The following ARHGAP19 variants were observed in gnomAD, a reference collection of about 807,000 sequenced individuals.
ARHGAP19 encodes the protein Rho GTPase activating protein 19.
In ARHGAP19, 48 loss-of-function variants were observed where a neutral mutation model predicts 60.9. The observed-to-expected ratio is 0.79, with a 90% confidence interval of 0.62 to 1.00. The LOEUF is 1.00. Among genes scored for constraint, ARHGAP19 ranks in the 50% least tolerant of loss-of-function variants. The probability of loss-of-function intolerance (pLI) is 0.00; values close to 1 mark genes in which losing one functional copy is unlikely to be tolerated. For synonymous variants in ARHGAP19, 209 were observed against 215.5 expected, an observed-to-expected ratio of 0.97 and a Z score of 0.27; for missense variants, 562 against 597.2, an observed-to-expected ratio of 0.94 and a Z score of 0.61.
chr10:97,241,545 C>G (rs1187727572), intron 8 of ARHGAP19, among the ~76,000 whole-genome samples: 1 of 151,734 alleles, frequency 6.6e-6, no homozygotes, highest in Non-Finnish European at 1.5e-5. Flanking sequence ...GAAACTCCAT[C>G]TTTACTAAAA....
rs12260394 is a variant in ARHGAP19 at position 97,282,844 on chromosome 10, T to C, written c.56+9728A>G. ...TACTATGTAGTTTCTTTTTTCTTTT[T>C]TTTTTTTTTTTTTTTGAGACAGAGT... On this transcript the variant is annotated intron_variant, in intron 1 of 11. Coordinates refer to ENST00000358531, the MANE Select transcript of ARHGAP19 (RefSeq NM_032900.6). Among the ~76,000 whole-genome samples, 219 of 143,942 alleles carry C rather than the reference T, an allele frequency of 1.5e-3. 1 individual carries two copies. Among genetic ancestry groups the C allele is most frequent in the Middle Eastern group, 6.9e-3 (2 of 290 alleles). 94.4% of individuals were successfully genotyped at this position (143,942 alleles called of 152,430 possible).
intron 1 of ARHGAP19, among the ~76,000 whole-genome samples, chr10:97,292,155 T>C (rs189568098): frequency 5.0e-4 from 76 of 152,382 alleles, no homozygotes; most frequent in Non-Finnish European, 6.8e-4. Flanking sequence ...ACACTGTTTC[T>C]AATTGACACT....
At chr10:97,286,872 C>T (rs901141195) in intron 1 of ARHGAP19, among the ~76,000 whole-genome samples, 2 of 152,138 alleles carry the variant, frequency 1.3e-5, no homozygotes, top group Admixed American at 6.6e-5. Context: ...TTCCTGCTTT[C>T]GCCTTTTCTC....
intron 9 of ARHGAP19, among the ~76,000 whole-genome samples, chr10:97,231,365 A>G (rs1230754640): frequency 6.6e-6 from 1 of 152,174 alleles, no homozygotes; most frequent in Middle Eastern, 3.2e-3. Flanking sequence ...GGTATTAAGT[A>G]TATTAATAGT....
chr10:97,285,066 T>G (rs1461352416), intron 1 of ARHGAP19, among the ~76,000 whole-genome samples: 1 of 150,858 alleles, frequency 6.6e-6, no homozygotes, highest in Admixed American at 6.6e-5. Context: ...GGTTTCACCA[T>G]GCTGGCCAGG....
chr10:97,254,573 T>C (rs984503830), intron 6 of ARHGAP19, among the ~76,000 whole-genome samples: 1 of 152,084 alleles, frequency 6.6e-6, no homozygotes, highest in African/African-American at 2.4e-5. Context: ...CCTAAAACTA[T>C]AAAAACTTTT....
chr10:97,226,105 A>T lies in ARHGAP19; in HGVS notation c.*17T>A. On this transcript the variant is annotated 3_prime_UTR_variant, in exon 12 of 12. Transcript: ENST00000358531. ...CAGAAAATTCTGCATGGACCATAGGAGACAACTCTGGATCCTTCAGAGAAA... is the reference window on the plus strand; with the variant it reads ...CAGAAAATTCTGCATGGACCATAGGTGACAACTCTGGATCCTTCAGAGAAA... 1 of 1,613,632 alleles carries T rather than the reference A, an allele frequency of 6.2e-7. No homozygotes were observed. Among genetic ancestry groups the T allele is most frequent in the African/African-American group, 1.3e-5 (1 of 75,036 alleles).
At chr10:97,264,160 T>C (rs1842866838) in intron 3 of ARHGAP19, among the ~76,000 whole-genome samples, 1 of 152,160 alleles carries the variant, frequency 6.6e-6, no homozygotes, top group Non-Finnish European at 1.5e-5. Flanking sequence ...AACTAAACTA[T>C]TCGTCCCTAG....
Position 97,266,033 on chromosome 10 carries a change from C to G in ARHGAP19, c.149G>C (p.Arg50Pro). 6.2e-7 allele frequency: 1 copy of G among 1,614,124 alleles called. No homozygotes were observed. Among genetic ancestry groups the G allele is most frequent in the East Asian group, 2.2e-5 (1 of 44,882 alleles). Residue 50 changes from arginine (R) to proline (P), a missense_variant, in exon 2 of 12, where the codon CGA (arginine) becomes CCA (proline). By Grantham distance (103) the Arg-to-Pro change is moderately radical. Transcript: ENST00000358531. ...FNPDFFVEKL[R>P]HEKPEIFTEL... Reference sequence around the variant, plus strand: ...AGTGAAAATCTCAGGTTTCTCATGTCGGAGTTTCTCCACAAAAAAGTCAGG... The same window carrying G: ...AGTGAAAATCTCAGGTTTCTCATGTGGGAGTTTCTCCACAAAAAAGTCAGG...
At chr10:97,229,343 T>C in intron 10 of ARHGAP19, 118 bp from the exon 11 acceptor site, 2 of 829,490 alleles carry the variant, frequency 2.4e-6, no homozygotes, top group South Asian at 3.1e-5. Context: ...CTGAGACTGA[T>C]GTATTTATAT....
chr10:97,249,892 G>A (rs571675301), intron 6 of ARHGAP19, among the ~76,000 whole-genome samples: 2 of 150,508 alleles, frequency 1.3e-5, no homozygotes, highest in Non-Finnish European at 3.0e-5. Context: ...TCCACCTCCC[G>A]GGTTCACGCC....
intron 8 of ARHGAP19, among the ~76,000 whole-genome samples, chr10:97,243,272 G>C (rs1842516018): frequency 6.6e-6 from 1 of 152,168 alleles, no homozygotes; most frequent in Admixed American, 6.5e-5. Context: ...AGTCCCAGTT[G>C]AATAAAAGTC....
At chr10:97,269,489 C>T (rs1458501543) in intron 1 of ARHGAP19, among the ~76,000 whole-genome samples, 1 of 152,126 alleles carries the variant, frequency 6.6e-6, no homozygotes, top group African/African-American at 2.4e-5. Context: ...TGTTCAAATG[C>T]CAATGATGAT....
chr10:97,240,124 G>C (rs1174660356), intron 8 of ARHGAP19, among the ~76,000 whole-genome samples: 1 of 144,970 alleles, frequency 6.9e-6, no homozygotes, highest in African/African-American at 2.5e-5. Context: ...ATGTTTTAAG[G>C]GGGAAAAAAA....
Position 97,265,782 on chromosome 10 carries a change from C to T in ARHGAP19, c.322+78G>A, listed in dbSNP as rs981160895. 21 of 1,531,686 alleles carry T rather than the reference C, an allele frequency of 1.4e-5. 1 individual carries two copies. Among genetic ancestry groups the T allele is most frequent in the African/African-American group, 9.7e-5 (7 of 72,036 alleles). The allele number at this position is 1,531,686 out of a possible 1,614,324, so 94.9% of individuals were successfully genotyped here. On this transcript the variant is annotated intron_variant, in intron 2 of 11. Transcript: ENST00000358531. Reference sequence around the variant, plus strand: ...ATGCTTTAAGTTAATAGCAACTCTTCGGTGAATGTGTAGATGTTGAGAGAG... The same window carrying T: ...ATGCTTTAAGTTAATAGCAACTCTTTGGTGAATGTGTAGATGTTGAGAGAG...
At chr10:97,243,788 G>C (rs534028448) in intron 8 of ARHGAP19, among the ~76,000 whole-genome samples, 180 bp downstream of exon 8, 2 of 152,250 alleles carry the variant, frequency 1.3e-5, no homozygotes, top group East Asian at 3.9e-4. Flanking sequence ...GAAATCAAGA[G>C]ACTCCACTCC....
chr10:97,267,619 T>C (rs1842914805), intron 1 of ARHGAP19, among the ~76,000 whole-genome samples: 1 of 152,272 alleles, frequency 6.6e-6, no homozygotes, highest in African/African-American at 2.4e-5. Flanking sequence ...GGCATTTCCA[T>C]ACATCCTCTG....
intron 1 of ARHGAP19, among the ~76,000 whole-genome samples, chr10:97,290,996 G>A (rs559521063): frequency 6.6e-6 from 1 of 152,112 alleles, no homozygotes; most frequent in South Asian, 2.1e-4. Flanking sequence ...GAGCCTAGCT[G>A]GGAATGTGAC....
chr10:97,250,086 T>C (rs978637158), intron 6 of ARHGAP19, among the ~76,000 whole-genome samples: 1 of 152,014 alleles, frequency 6.6e-6, no homozygotes, highest in African/African-American at 2.4e-5. Context: ...ACCCGGCCAG[T>C]AGTGTGATTC....
Sources: allele counts gnomAD v4.1 joint callset (sites outside exome capture counted in the v4.1 genomes callset), GRCh38; gene constraint gnomAD v4.1.1; transcripts MANE v1.5; gene names NCBI Gene and HGNC (gene_info 2026-07-23, HGNC 2026-07-21).